Variants in TAFA4 observed in about 807,000 individuals in gnomAD.
TAFA4 encodes TAFA chemokine like family member 4.
A neutral mutation model predicts 21.1 loss-of-function variants in TAFA4; 20 were observed. That is an observed-to-expected ratio of 0.95 (90% CI 0.67 to 1.38). The LOEUF (loss-of-function observed/expected upper bound fraction) is 1.38, where lower values mean the gene tolerates loss of function less well. Ranked by LOEUF, TAFA4 falls within the 40% of genes most tolerant of loss-of-function variation. The pLI, the probability that TAFA4 is intolerant of heterozygous loss-of-function variation, is 0.00. For missense variants in TAFA4, 211 were observed against 180.9 expected, an observed-to-expected ratio of 1.17 and a Z score of -0.95; for synonymous variants, 71 against 67.4, an observed-to-expected ratio of 1.05 and a Z score of -0.26.
chr3:68,807,651 G>A lies in TAFA4; in HGVS notation c.131-54633C>T, dbSNP rs1048800360. ...ACTTGACTTTGCACCTGAATACAAA[G>A]TATGTTTATATAGTGTTAGAAATCA... On this transcript the variant is annotated intron_variant, in intron 3 of 5. Transcript: ENST00000295569. Among the ~76,000 whole-genome samples the A allele has an allele frequency of 2.0e-5, 3 of 152,190 alleles. No individual in the cohort carries two copies. The East Asian group carries it at 5.8e-4, about 29-fold the overall frequency.
In TAFA4 at chr3:68,834,890, G is replaced by T. The variant is rs529371619; in HGVS notation, c.130+45840C>A. On this transcript the variant is annotated intron_variant, in intron 3 of 5. Coordinates refer to ENST00000295569, the MANE Select transcript of TAFA4 (RefSeq NM_182522.5). Reference sequence around the variant, plus strand: ...AGGATTACTTTCAAAACCTCCCAATGAGTCTCTGTTTCTGCTCTTGCCCTC... The same window carrying T: ...AGGATTACTTTCAAAACCTCCCAATTAGTCTCTGTTTCTGCTCTTGCCCTC... Among the ~76,000 whole-genome samples, 99 of 152,070 alleles carry T rather than the reference G, an allele frequency of 6.5e-4. 1 individual carries two copies. Among genetic ancestry groups the T allele is most frequent in the Non-Finnish European group, 2.8e-4 (19 of 68,016 alleles).
At chr3:68,772,937 T>C (rs1430562596) in intron 3 of TAFA4, among the ~76,000 whole-genome samples, 3 of 152,230 alleles carry the variant, frequency 2.0e-5, no homozygotes, top group African/African-American at 7.2e-5. Flanking sequence ...TGTTTCATCT[T>C]TTTAAAACAA....
intron 3 of TAFA4, among the ~76,000 whole-genome samples, chr3:68,846,502 T>C (rs9877063): frequency 0.72 from 109,435 of 151,892 alleles, 39,846 homozygotes; most frequent in East Asian, 0.99. Flanking sequence ...TGCCCATCTT[T>C]TGAGGCCTAC....
At chr3:68,845,190 G>C (rs79319322) in intron 3 of TAFA4, among the ~76,000 whole-genome samples, 3,064 of 152,246 alleles carry the variant, frequency 0.02, 104 homozygotes, top group African/African-American at 0.065. Flanking sequence ...GGATCTGGGT[G>C]TTCCTGCAGT....
At chr3:68,881,806 C>A (rs2089621708) in intron 2 of TAFA4, among the ~76,000 whole-genome samples, 1 of 152,150 alleles carries the variant, frequency 6.6e-6, no homozygotes, top group South Asian at 2.1e-4. Flanking sequence ...GCCTGAGTCA[C>A]ACTATAGGCA....
At chr3:68,833,237 T>G (rs1704442800) in intron 3 of TAFA4, among the ~76,000 whole-genome samples, 1 of 152,088 alleles carries the variant, frequency 6.6e-6, no homozygotes, top group African/African-American at 2.4e-5. Context: ...CACTGATACC[T>G]CAGTTGGAAA....
At chr3:68,843,458 C>T (rs532945688) in intron 3 of TAFA4, among the ~76,000 whole-genome samples, 30 of 152,310 alleles carry the variant, frequency 2.0e-4, no homozygotes, top group African/African-American at 7.2e-4. Flanking sequence ...ACAATCATGT[C>T]ATCTGCAAAG....
At chr3:68,785,627 C>A (rs370076204) in intron 3 of TAFA4, among the ~76,000 whole-genome samples, 13 of 152,252 alleles carry the variant, frequency 8.5e-5, no homozygotes, top group African/African-American at 2.9e-4. Context: ...CGTGCAGCCC[C>A]GGTTCCCGTC....
At chr3:68,778,788 T>C (rs1373759215) in intron 3 of TAFA4, among the ~76,000 whole-genome samples, 3 of 152,224 alleles carry the variant, frequency 2.0e-5, no homozygotes, top group Non-Finnish European at 2.9e-5. Flanking sequence ...GTCTCAGGTA[T>C]ATCTTTAGCA....
chr3:68,783,165 G>C (rs1703182150), intron 3 of TAFA4, among the ~76,000 whole-genome samples: 1 of 152,152 alleles, frequency 6.6e-6, no homozygotes, highest in Non-Finnish European at 1.5e-5. Context: ...AAAACCTATA[G>C]CAAACATACA....
chr3:68,789,727 G>C (rs1212548886), intron 3 of TAFA4, among the ~76,000 whole-genome samples: 1 of 152,174 alleles, frequency 6.6e-6, no homozygotes, highest in African/African-American at 2.4e-5. Context: ...CATGTAATTA[G>C]TTTCAACTAG....
chr3:68,897,781 A>T (rs950217972), intron 1 of TAFA4, among the ~76,000 whole-genome samples: 3 of 152,196 alleles, frequency 2.0e-5, no homozygotes, highest in African/African-American at 7.2e-5. Context: ...GATTGTCCTA[A>T]GAGTCTCTTC....
intron 3 of TAFA4, among the ~76,000 whole-genome samples, chr3:68,834,265 T>C (rs2106883435): frequency 6.6e-6 from 1 of 152,280 alleles, no homozygotes. Context: ...TGAAAATAAC[T>C]GCTTTAGCCA....
intron 1 of TAFA4, among the ~76,000 whole-genome samples, chr3:68,896,336 C>T (rs527540881): frequency 6.6e-6 from 1 of 152,188 alleles, no homozygotes; most frequent in East Asian, 1.9e-4. Context: ...GGGGCAGGAT[C>T]GGAAACAGGG....
At chr3:68,773,844 A>C (rs1332524339) in intron 3 of TAFA4, among the ~76,000 whole-genome samples, 1 of 152,366 alleles carries the variant, frequency 6.6e-6, no homozygotes, top group East Asian at 1.9e-4. Flanking sequence ...AGGACAGGGA[A>C]ACAAGGAATA....
intron 3 of TAFA4, among the ~76,000 whole-genome samples, chr3:68,874,463 C>G (rs1221900379): frequency 6.6e-6 from 1 of 152,082 alleles, no homozygotes; most frequent in Admixed American, 6.6e-5. Context: ...TTATAGGGAA[C>G]AAATGATTCC....
chr3:68,871,007 C>T (rs575971861), intron 3 of TAFA4, among the ~76,000 whole-genome samples: 15 of 152,082 alleles, frequency 9.9e-5, no homozygotes, highest in African/African-American at 3.1e-4. Flanking sequence ...GGGTTGGTTC[C>T]AAAATCTCAT....
At chr3:68,794,169 T>C (rs938659824) in intron 3 of TAFA4, among the ~76,000 whole-genome samples, 4 of 152,224 alleles carry the variant, frequency 2.6e-5, no homozygotes, top group African/African-American at 7.2e-5. Context: ...GATGAGAACA[T>C]GGAATTCATG....
In TAFA4 at chr3:68,830,446, C is replaced by T. The variant is rs551123632; in HGVS notation, c.130+50284G>A. On this transcript the variant is annotated intron_variant, in intron 3 of 5. Coordinates refer to ENST00000295569, the MANE Select transcript of TAFA4 (RefSeq NM_182522.5). ...ATTTCTGCCTTCATTTCGTTATTTA[C>T]CCAGTAGTCATTCAGGAGCAGATTG... 1.3e-5 allele frequency among the ~76,000 whole-genome samples: 2 copies of T among 152,306 alleles called. 1 individual carries two copies. Among genetic ancestry groups the T allele is most frequent in the South Asian group, 4.1e-4 (2 of 4,828 alleles).
Sources: gnomAD v4.1 joint callset for allele counts (sites outside exome capture counted in the v4.1 genomes callset) on GRCh38, gnomAD v4.1.1 for gene constraint, MANE v1.5 for transcripts, NCBI Gene and HGNC (gene_info 2026-07-23, HGNC 2026-07-21) for gene names.